The following RDX variants were observed in gnomAD, a reference collection of about 807,000 sequenced individuals.
RDX encodes the protein deafness, autosomal recessive 24.
A neutral mutation model predicts 83.7 loss-of-function variants in RDX; 32 were observed. The ratio of observed to expected loss-of-function variants is 0.38; its 90% CI spans 0.29 to 0.51. The LOEUF (loss-of-function observed/expected upper bound fraction) is 0.51. Ranked by LOEUF, RDX falls within the 20% of genes least tolerant of loss-of-function variation. The pLI is 0.87. For missense variants in RDX, 600 were observed against 689.9 expected, an observed-to-expected ratio of 0.87 and a Z score of 1.46; for synonymous variants, 229 against 222.7, an observed-to-expected ratio of 1.03 and a Z score of -0.25.
chr11:110,182,303 A>G (rs114525685), intron 15 of RDX, among the ~76,000 whole-genome samples: 2,979 of 152,236 alleles, frequency 0.02, 114 homozygotes, highest in African/African-American at 0.065. Flanking sequence ...GGTCAGAAAT[A>G]TTTGTTGAAT....
intron 3 of RDX, 149 bp downstream of exon 3, chr11:110,272,387 G>A (rs930707045): frequency 1.6e-5 from 11 of 686,052 alleles, no homozygotes; most frequent in Non-Finnish European, 2.7e-5. Context: ...CCCTACTGCT[G>A]TAGTAGGGAT....
intron 10 of RDX, among the ~76,000 whole-genome samples, chr11:110,244,288 G>T (rs920458486): frequency 2.7e-5 from 4 of 147,586 alleles, no homozygotes; most frequent in African/African-American, 5.0e-5. Context: ...CCTGAACCTG[G>T]GAGGCGAAGG....
At chr11:110,176,313 C>T (rs1009014705) in intron 15 of RDX, among the ~76,000 whole-genome samples, 4 of 152,130 alleles carry the variant, frequency 2.6e-5, no homozygotes, top group African/African-American at 9.7e-5. Context: ...ATCTGCCTGC[C>T]TCAGCCTCCT....
intron 15 of RDX, among the ~76,000 whole-genome samples, chr11:110,190,064 C>T (rs1863074108): frequency 6.6e-6 from 1 of 151,782 alleles, no homozygotes; most frequent in South Asian, 2.1e-4. Flanking sequence ...GCCTAGGCAA[C>T]AAGAGCGAAA....
chr11:110,226,690 C>A (rs967142093), downstream of RDX, among the ~76,000 whole-genome samples: 9 of 152,056 alleles, frequency 5.9e-5, no homozygotes, highest in African/African-American at 2.2e-4. Context: ...CTTTATTAAT[C>A]TTCTCAATAT....
chr11:110,229,104 T>C (rs1315060705), downstream of RDX, among the ~76,000 whole-genome samples: 4 of 151,980 alleles, frequency 2.6e-5, no homozygotes, highest in African/African-American at 9.7e-5. Context: ...TTAAAGAATG[T>C]TGAAATGTTA....
At chr11:110,241,042 T>G (rs1223174195) in intron 10 of RDX, among the ~76,000 whole-genome samples, 3 of 90,576 alleles carry the variant, frequency 3.3e-5, no homozygotes, top group African/African-American at 4.6e-5. Flanking sequence ...GGCGACAGAG[T>G]GAGACTCTGT....
chr11:110,175,861 G>C (rs1224790225), intron 15 of RDX, among the ~76,000 whole-genome samples: 1 of 152,210 alleles, frequency 6.6e-6, no homozygotes, highest in South Asian at 2.1e-4. Context: ...CAAGGACAAA[G>C]CACATTGTGC....
chr11:110,182,783 G>T (rs1423132841), intron 15 of RDX, among the ~76,000 whole-genome samples: 5 of 152,180 alleles, frequency 3.3e-5, no homozygotes, highest in Non-Finnish European at 5.9e-5. Context: ...GCTGTCCGGG[G>T]TAACAGGACA....
intron 1 of RDX, among the ~76,000 whole-genome samples, chr11:110,287,433 A>T (rs908203691): frequency 6.6e-6 from 1 of 152,184 alleles, no homozygotes; most frequent in African/African-American, 2.4e-5. Flanking sequence ...ATAACAAGAA[A>T]ATGTAAAAAT....
At chr11:110,293,044 G>A (rs1462334749) in intron 1 of RDX, among the ~76,000 whole-genome samples, 2 of 152,160 alleles carry the variant, frequency 1.3e-5, no homozygotes, top group African/African-American at 4.8e-5. Context: ...AATTAGCGTA[G>A]GGAATTCTAT....
At chr11:110,209,113 A>G (rs1214898279) in intron 14 of RDX, among the ~76,000 whole-genome samples, 2 of 152,134 alleles carry the variant, frequency 1.3e-5, no homozygotes, top group African/African-American at 4.8e-5. Flanking sequence ...GAGAGTGGGC[A>G]CAGGTCAGTG....
chr11:110,188,569 C>T (rs1030272252), intron 15 of RDX, among the ~76,000 whole-genome samples: 7 of 151,940 alleles, frequency 4.6e-5, no homozygotes, highest in African/African-American at 1.5e-4. Flanking sequence ...GTACACTGCT[C>T]GGGTGATGGG....
intron 2 of RDX, chr11:110,273,156 T>C (rs1860370435): frequency 2.2e-6 from 1 of 450,690 alleles, no homozygotes; most frequent in Non-Finnish European, 4.4e-6. Context: ...AGGGCTGCCG[T>C]GAGCTATGAT....
At chr11:110,189,243 TAAAA>T (rs35450797) in intron 15 of RDX, among the ~76,000 whole-genome samples, 1,330 of 35,664 alleles carry the variant, frequency 0.037, 53 homozygotes, top group East Asian at 0.27. Flanking sequence ...GAACAACAGG[TAAAA>T]AAAAAAAAAA....
intron 3 of RDX, among the ~76,000 whole-genome samples, chr11:110,265,783 T>C (rs1259603605): frequency 7.9e-5 from 12 of 152,188 alleles, no homozygotes; most frequent in Admixed American, 6.5e-4. Flanking sequence ...CAAGCTCAAC[T>C]AACGTGCCTT....
At chr11:110,209,121 G>C (rs1486816570) in intron 14 of RDX, among the ~76,000 whole-genome samples, 1 of 152,202 alleles carries the variant, frequency 6.6e-6, no homozygotes, top group Non-Finnish European at 1.5e-5. Flanking sequence ...GCACAGGTCA[G>C]TGGATGCGCG....
chr11:110,278,821 ACTTT>A (rs1404686210), intron 2 of RDX, among the ~76,000 whole-genome samples: 2 of 151,846 alleles, frequency 1.3e-5, no homozygotes, highest in Non-Finnish European at 2.9e-5. Context: ...ATAACTAATG[ACTTT>A]CTTTAAAATT....
At chr11:110,243,753 A>G (rs1865193396) in intron 10 of RDX, among the ~76,000 whole-genome samples, 1 of 152,182 alleles carries the variant, frequency 6.6e-6, no homozygotes, top group Non-Finnish European at 1.5e-5. Flanking sequence ...TAAATGTCCA[A>G]AAAGCACATA....
Sources: gnomAD v4.1 joint callset for allele counts (sites outside exome capture counted in the v4.1 genomes callset) on GRCh38, gnomAD v4.1.1 for gene constraint, MANE v1.5 for transcripts, NCBI Gene and HGNC (gene_info 2026-07-23, HGNC 2026-07-21) for gene names.